JARID2: variants seen among roughly 807,000 people sequenced by gnomAD.
JARID2 encodes the protein protein Jumonji.
In JARID2, 21 loss-of-function variants were observed where a neutral mutation model predicts 125.6. That is an observed-to-expected ratio of 0.17 (90% CI 0.12 to 0.24). The LOEUF is 0.24. Among genes scored for constraint, JARID2 ranks in the 10% least tolerant of loss-of-function variants. The pLI is 1.00. For missense variants in JARID2, 1,303 were observed against 1,639.6 expected (o/e 0.79, Z 3.55); for synonymous variants, 736 against 661.6 (o/e 1.11, Z -1.73).
chr6:15,442,448 C>A (rs936562416), intron 3 of JARID2, among the ~76,000 whole-genome samples: 4 of 152,210 alleles, frequency 2.6e-5, no homozygotes, highest in Non-Finnish European at 5.9e-5. Flanking sequence ...TAGCTACTTG[C>A]ATGTGTTACT....
intron 3 of JARID2, among the ~76,000 whole-genome samples, chr6:15,431,751 G>A (rs1436864168): frequency 6.6e-6 from 1 of 152,162 alleles, no homozygotes; most frequent in African/African-American, 2.4e-5. Context: ...TGACCCCATA[G>A]ATTTTTTTCC....
chr6:15,246,949 C>G (rs1472824097), intron 1 of JARID2, among the ~76,000 whole-genome samples: 1 of 152,132 alleles, frequency 6.6e-6, no homozygotes, highest in Non-Finnish European at 1.5e-5. Flanking sequence ...TGCAAATGAG[C>G]CTGTGTTATT....
At chr6:15,345,608 C>T (rs773863077) in intron 1 of JARID2, among the ~76,000 whole-genome samples, 1 of 152,198 alleles carries the variant, frequency 6.6e-6, no homozygotes. Flanking sequence ...TAATATTATT[C>T]GTTCCCATTG....
intron 1 of JARID2, among the ~76,000 whole-genome samples, chr6:15,259,278 A>C (rs1486371006): frequency 6.6e-6 from 1 of 152,196 alleles, no homozygotes; most frequent in African/African-American, 2.4e-5. Context: ...CCATTCTTAC[A>C]CTGCCCAGAG....
At chr6:15,403,386 G>A (rs3819399) in intron 2 of JARID2, among the ~76,000 whole-genome samples, 26,358 of 151,954 alleles carry the variant, frequency 0.17, 2,315 homozygotes, top group Middle Eastern at 0.25. Context: ...TTTGTCTTTT[G>A]GTGGTTCTTA....
Position 15,512,288 on chromosome 6 carries a change from C to T in JARID2, c.3033C>T (p.Phe1011=), listed in dbSNP as rs769891843. 1.2e-6 allele frequency: 2 copies of T among 1,614,170 alleles called. No homozygotes were observed. The highest frequency in any genetic ancestry group is 1.7e-6 in the Non-Finnish European group (2 of 1,180,032). The stretch of plus-strand genomic sequence containing the variant: ...AGAGTGGCCAGTTTGTCGTCTGCTT[C>T]CCGGGATCCTTTGTGTCCAAAGTGT... ...VQQSGQFVVC[F]PGSFVSKVCC... The change falls in exon 14 of 18, where the codon TTC becomes TTT. Residue 1011 remains phenylalanine (F), a synonymous_variant. Coordinates refer to ENST00000341776, the MANE Select transcript of JARID2 (RefSeq NM_004973.4).
At chr6:15,287,742 GTCATT>G (rs1378783747) in intron 1 of JARID2, among the ~76,000 whole-genome samples, 3 of 152,176 alleles carry the variant, frequency 2.0e-5, no homozygotes, top group African/African-American at 7.2e-5. Flanking sequence ...TAGCTTCGGT[GTCATT>G]TCCTCGAGGA....
rs1770469434 is a variant in JARID2 at position 15,496,886 on chromosome 6, T to G, written c.1661T>G (p.Met554Arg). 1.9e-6 allele frequency: 3 copies of G among 1,601,764 alleles called. No individual in the cohort carries two copies. The highest frequency in any genetic ancestry group is 2.6e-6 in the Non-Finnish European group (3 of 1,171,940). Residue 554 changes from methionine to arginine, a missense_variant, in exon 7 of 18, where the codon ATG (methionine) becomes AGG (arginine). Physicochemically the swap from Met to Arg is moderately conservative, Grantham distance 91. This residue lies in a region of JARID2 where 651 missense variants were observed against 581.6 expected (regional missense o/e 1.12). Transcript: ENST00000341776. ...KGGGKAGWAA[M>R]DEIPVLRPSA... ...GGCGGCAAGGCCGGGTGGGCGGCCA[T>G]GGACGAGATCCCCGTCCTCAGGCCC...
chr6:15,363,737 C>G (rs906473277), intron 1 of JARID2, among the ~76,000 whole-genome samples: 9 of 152,130 alleles, frequency 5.9e-5, no homozygotes, highest in African/African-American at 2.2e-4. Flanking sequence ...TGTGTGTGCC[C>G]TGTCGCTTGG....
intron 3 of JARID2, among the ~76,000 whole-genome samples, chr6:15,430,643 CTG>C (rs1561858104): frequency 6.6e-6 from 1 of 152,172 alleles, no homozygotes; most frequent in Non-Finnish European, 1.5e-5. Flanking sequence ...AGATGTCCAT[CTG>C]TGAAGGGCTT....
At chr6:15,493,143 T>C (rs970989870) in intron 6 of JARID2, among the ~76,000 whole-genome samples, 5 of 151,762 alleles carry the variant, frequency 3.3e-5, no homozygotes, top group Admixed American at 2.6e-4. Flanking sequence ...ACCAAAGGCC[T>C]TACACTCTTA....
chr6:15,409,357 G>A (rs545678927), intron 2 of JARID2, among the ~76,000 whole-genome samples: 2 of 152,314 alleles, frequency 1.3e-5, no homozygotes, highest in African/African-American at 4.8e-5. Flanking sequence ...CCCAGTTCTG[G>A]TTGCCTTCGA....
intron 1 of JARID2, among the ~76,000 whole-genome samples, chr6:15,372,813 A>G (rs1410347389): frequency 6.6e-6 from 1 of 151,870 alleles, no homozygotes; most frequent in Non-Finnish European, 1.5e-5. Flanking sequence ...GGTTCAAGCA[A>G]TTCTCGTGCC....
At chr6:15,514,332 CT>C (rs1186347219) in intron 16 of JARID2, among the ~76,000 whole-genome samples, 1 of 152,252 alleles carries the variant, frequency 6.6e-6, no homozygotes. Flanking sequence ...CCTGACCTGC[CT>C]CCCCGGGCCT....
At chr6:15,331,580 G>T (rs1320408860) in intron 1 of JARID2, among the ~76,000 whole-genome samples, 5 of 151,916 alleles carry the variant, frequency 3.3e-5, no homozygotes, top group Admixed American at 6.5e-5. Flanking sequence ...ATAGTACGGT[G>T]GGGGGCCGGG....
chr6:15,335,921 C>T (rs1762861074), intron 1 of JARID2, among the ~76,000 whole-genome samples: 1 of 152,098 alleles, frequency 6.6e-6, no homozygotes, highest in Non-Finnish European at 1.5e-5. Context: ...CATCTCTATA[C>T]ACAACACACA....
intron 1 of JARID2, among the ~76,000 whole-genome samples, chr6:15,360,036 C>T (rs544924906): frequency 5.9e-4 from 90 of 152,256 alleles, no homozygotes; most frequent in Non-Finnish European, 1.1e-3. Flanking sequence ...AAACCAAAAC[C>T]TCATCTCTTA....
intron 3 of JARID2, among the ~76,000 whole-genome samples, chr6:15,425,845 A>G (rs1233859454): frequency 1.3e-5 from 2 of 152,220 alleles, no homozygotes; most frequent in Non-Finnish European, 2.9e-5. Context: ...GACTAGGGAA[A>G]TTGCGGCAGC....
intron 6 of JARID2, among the ~76,000 whole-genome samples, chr6:15,491,393 G>A (rs1770143323): frequency 6.6e-6 from 1 of 152,230 alleles, no homozygotes. Context: ...TGAGCAGGCT[G>A]CTCCTCCCCT....
Sources: allele counts gnomAD v4.1 joint callset (sites outside exome capture counted in the v4.1 genomes callset), GRCh38; gene constraint gnomAD v4.1.1; regional missense constraint gnomAD v4.1.1; transcripts MANE v1.5; gene names NCBI Gene and HGNC (gene_info 2026-07-23, HGNC 2026-07-21).